MFSD11: variants seen among roughly 807,000 people sequenced by gnomAD.
The protein encoded by MFSD11 is major facilitator superfamily domain containing 11.
Under a neutral mutation model 53.5 loss-of-function variants are expected in MFSD11, and 36 were observed. The observed-to-expected ratio is 0.67, with a 90% CI of 0.52 to 0.89. MFSD11 has a LOEUF of 0.89. Among genes scored for constraint, MFSD11 ranks in the 40% least tolerant of loss-of-function variants. The pLI is 0.00. For synonymous variants in MFSD11, 186 were observed against 184.9 expected (o/e 1.01, Z -0.05); for missense variants, 530 against 543.9 (o/e 0.97, Z 0.25).
intron 8 of MFSD11, among the ~76,000 whole-genome samples, chr17:76,761,351 T>G (rs2080212705): frequency 6.6e-6 from 1 of 152,162 alleles, no homozygotes; most frequent in African/African-American, 2.4e-5. Context: ...AGGAAATAAT[T>G]AAATATTGTG....
At chr17:76,766,373 C>T (rs1263043374) in intron 8 of MFSD11, among the ~76,000 whole-genome samples, 3 of 147,542 alleles carry the variant, frequency 2.0e-5, no homozygotes, top group Admixed American at 6.9e-5. Context: ...GAGCCAAGAT[C>T]GCGCCACTCT....
At chr17:76,758,872 T>A (rs1235964792) in intron 8 of MFSD11, among the ~76,000 whole-genome samples, 1 of 152,074 alleles carries the variant, frequency 6.6e-6, no homozygotes. Context: ...AAAATACACA[T>A]ATAACTTTTG....
the MFSD11 span, among the ~76,000 whole-genome samples, chr17:76,800,975 G>A: frequency 6.6e-6 from 1 of 151,932 alleles, no homozygotes; most frequent in Non-Finnish European, 1.5e-5. Flanking sequence ...TACTTGGGAG[G>A]TGGAGGCAGG....
chr17:76,780,497 C>CT (rs1394109953), downstream of MFSD11, among the ~76,000 whole-genome samples: 1 of 148,398 alleles, frequency 6.7e-6, no homozygotes, highest in East Asian at 2.0e-4. Flanking sequence ...TTGTTGTTGT[C>CT]TTTTGGTTGT....
At chr17:76,758,774 A>G (rs1053176132) in intron 8 of MFSD11, among the ~76,000 whole-genome samples, 5 of 152,136 alleles carry the variant, frequency 3.3e-5, no homozygotes, top group Admixed American at 2.6e-4. Context: ...TATGGAAAAA[A>G]TTGTTACAAC....
chr17:76,738,199 G>T lies in MFSD11; in HGVS notation c.-154G>T. ...AACTTCGCCCTAAACCTGGGGTTCC[G>T]ATCCAGGAACTGGAAGTTGACAGCT... On this transcript the variant is annotated 5_prime_UTR_variant, in exon 1 of 13. Coordinates refer to ENST00000685175, the MANE Select transcript of MFSD11 (RefSeq NM_001242532.5). 1 of 618,804 alleles carries T rather than the reference G, an allele frequency of 1.6e-6. No homozygotes were observed. The highest frequency in any genetic ancestry group is 2.9e-6 in the Non-Finnish European group (1 of 348,636). 38.3% of individuals were successfully genotyped at this position (618,804 alleles called of 1,614,324 possible). A position where few individuals can be genotyped will look rare whatever the true frequency, so the allele number is the denominator to read the frequency against.
At chr17:76,747,858 T>C (rs1409860158) in intron 7 of MFSD11, 1 of 152,326 alleles carries the variant, frequency 6.6e-6, no homozygotes, top group Middle Eastern at 3.4e-3. Context: ...GAAATACTGC[T>C]CAGCCTTTGT....
chr17:76,769,975 C>A, intron 10 of MFSD11, 104 bp downstream of exon 10: 1 of 1,005,730 alleles, frequency 9.9e-7, no homozygotes, highest in East Asian at 2.9e-5. Flanking sequence ...TCTGTTTTTT[C>A]TACTTATTTT....
At chr17:76,759,671 A>G (rs1385503627) in intron 8 of MFSD11, among the ~76,000 whole-genome samples, 1 of 138,540 alleles carries the variant, frequency 7.2e-6, no homozygotes, top group East Asian at 2.5e-4. Context: ...GTTAACCAGG[A>G]TGGTCTCGAT....
intron 10 of MFSD11, among the ~76,000 whole-genome samples, chr17:76,772,885 G>A (rs1386787484): frequency 6.6e-6 from 1 of 152,092 alleles, no homozygotes; most frequent in East Asian, 1.9e-4. Flanking sequence ...TACCTTTTAA[G>A]ATTTGTTGGG....
At chr17:76,760,101 C>G (rs1242496588) in intron 8 of MFSD11, among the ~76,000 whole-genome samples, 3 of 150,830 alleles carry the variant, frequency 2.0e-5, no homozygotes, top group Non-Finnish European at 3.0e-5. Context: ...AACTCCGTCT[C>G]TACTAAAAAT....
At position 76,756,279 on chromosome 17, in the gene MFSD11, C is replaced by T. The variant is rs898020794; in HGVS notation, c.682+2192C>T. Among the ~76,000 whole-genome samples, 9 of 151,682 alleles carry T rather than the reference C, an allele frequency of 5.9e-5. 1 individual carries two copies. Among genetic ancestry groups the T allele is most frequent in the Admixed American group, 4.6e-4 (7 of 15,200 alleles). ...CTGGGACTACAGGCACGTGCCACCA[C>T]GCCCAGCTAATTTTTGCATTTTTTA... On this transcript the variant is annotated intron_variant, in intron 8 of 12. Transcript: ENST00000685175.
chr17:76,770,138 C>T lies in MFSD11; in HGVS notation c.874+267C>T, dbSNP rs577335782. Among the ~76,000 whole-genome samples, 125 of 150,964 alleles carry T rather than the reference C, an allele frequency of 8.3e-4. No homozygotes were observed. In the South Asian group the frequency reaches 0.012, roughly 15 times the overall value. Reference sequence around the variant, plus strand: ...CTGCAAGCTCCGCCTCCCGGGTTCACGCCATTCTTCTGCCTCAGCCTCCCG... The same window carrying T: ...CTGCAAGCTCCGCCTCCCGGGTTCATGCCATTCTTCTGCCTCAGCCTCCCG... On this transcript the variant is annotated intron_variant, in intron 10 of 12. Transcript: ENST00000685175.
intron 1 of MFSD11, 45 bp from the exon 2 acceptor site, chr17:76,738,893 G>T: frequency 6.6e-7 from 1 of 1,519,622 alleles, no homozygotes. Flanking sequence ...GGGTGGGAGG[G>T]AGACTGCAAA....
intron 8 of MFSD11, among the ~76,000 whole-genome samples, chr17:76,762,025 C>G (rs2080306687): frequency 6.6e-6 from 1 of 151,882 alleles, no homozygotes; most frequent in South Asian, 2.1e-4. Flanking sequence ...GTCGTGTAAC[C>G]ATCACTTTAC....
chr17:76,781,025 A>T (rs1456519511), downstream of MFSD11: 1 of 152,188 alleles, frequency 6.6e-6, no homozygotes, highest in Non-Finnish European at 1.5e-5. Flanking sequence ...AATAACACAC[A>T]TCTATTTCAT....
intron 8 of MFSD11, among the ~76,000 whole-genome samples, chr17:76,758,994 C>G (rs549197545): frequency 6.6e-6 from 1 of 152,074 alleles, no homozygotes; most frequent in Non-Finnish European, 1.5e-5. Flanking sequence ...CCTGTAATAC[C>G]AGCACTTTGG....
the MFSD11 span, among the ~76,000 whole-genome samples, chr17:76,797,347 C>G: frequency 1.3e-5 from 2 of 152,110 alleles, no homozygotes; most frequent in Non-Finnish European, 2.9e-5. Flanking sequence ...AGCCCCAGAA[C>G]TGAGGGTTCC....
chr17:76,794,385 G>A, the MFSD11 span, among the ~76,000 whole-genome samples: 6 of 150,816 alleles, frequency 4.0e-5, no homozygotes, highest in Admixed American at 2.0e-4. Context: ...ACTGAGGCAG[G>A]AGAATTGCTT....
Sources: gnomAD v4.1 joint callset for allele counts (sites outside exome capture counted in the v4.1 genomes callset) on GRCh38, gnomAD v4.1.1 for gene constraint, MANE v1.5 for transcripts, NCBI Gene and HGNC (gene_info 2026-07-23, HGNC 2026-07-21) for gene names.